The following SNAPC1 variants were observed in gnomAD, a reference collection of about 807,000 sequenced individuals.
The protein encoded by SNAPC1 is snRNA-activating protein complex subunit 1.
In SNAPC1, 42 loss-of-function variants were observed where a neutral mutation model predicts 50.1. That is an observed-to-expected ratio of 0.84 (90% CI 0.65 to 1.08). The LOEUF (loss-of-function observed/expected upper bound fraction) is 1.08. Ranked by LOEUF, SNAPC1 falls within the 50% of genes least tolerant of loss-of-function variation. The probability of loss-of-function intolerance (pLI) is 0.00; values close to 1 mark genes in which losing one functional copy is unlikely to be tolerated. For missense variants in SNAPC1, 477 were observed against 427.3 expected (o/e 1.12, Z -1.02); for synonymous variants, 164 against 144.2 (o/e 1.14, Z -0.98).
At chr14:61,783,329 C>T (rs993123698) in intron 8 of SNAPC1, among the ~76,000 whole-genome samples, 2 of 151,900 alleles carry the variant, frequency 1.3e-5, no homozygotes, top group African/African-American at 4.8e-5. Context: ...CCGCACGCGG[C>T]CTCCAGTGCA....
At chr14:61,775,025 T>G (rs977824582) in intron 4 of SNAPC1, among the ~76,000 whole-genome samples, 1 of 152,096 alleles carries the variant, frequency 6.6e-6, no homozygotes, top group African/African-American at 2.4e-5. Context: ...TTGAGTGGTC[T>G]GAGTTAGGGA....
At chr14:61,785,910 C>T (rs1270964911) in intron 8 of SNAPC1, among the ~76,000 whole-genome samples, 4 of 130,686 alleles carry the variant, frequency 3.1e-5, no homozygotes, top group Non-Finnish European at 6.4e-5. Context: ...TTGCCCTAAG[C>T]AGTTCCAGCT....
chr14:61,773,810 C>T (rs1192072903), intron 4 of SNAPC1, among the ~76,000 whole-genome samples: 2 of 151,568 alleles, frequency 1.3e-5, no homozygotes, highest in Admixed American at 1.3e-4. Context: ...CAGGTTCAAG[C>T]GATTCTCCTT....
chr14:61,775,349 G>A (rs1035860807), intron 4 of SNAPC1, among the ~76,000 whole-genome samples: 29 of 151,476 alleles, frequency 1.9e-4, no homozygotes, highest in African/African-American at 6.6e-4. Flanking sequence ...TCCGCCTCCC[G>A]GGTTCAAGCA....
intron 4 of SNAPC1, among the ~76,000 whole-genome samples, chr14:61,771,385 C>T (rs1028591225): frequency 1.3e-5 from 2 of 152,186 alleles, no homozygotes; most frequent in Non-Finnish European, 1.5e-5. Flanking sequence ...GCTGTGGTGC[C>T]TGTTTGTTGG....
chr14:61,791,385 C>CT (rs1236216409), intron 8 of SNAPC1, among the ~76,000 whole-genome samples: 1 of 151,942 alleles, frequency 6.6e-6, no homozygotes, highest in Non-Finnish European at 1.5e-5. Context: ...TATATGTTTC[C>CT]TTTTTTCTAC....
intron 8 of SNAPC1, among the ~76,000 whole-genome samples, chr14:61,792,326 A>G: frequency 6.6e-6 from 1 of 152,184 alleles, no homozygotes; most frequent in East Asian, 1.9e-4. Context: ...GTGTTTTTGA[A>G]AATGGAAAGT....
At chr14:61,783,528 G>GTTTTGTT (rs2045092837) in intron 8 of SNAPC1, among the ~76,000 whole-genome samples, 16 of 110,130 alleles carry the variant, frequency 1.5e-4, no homozygotes, top group African/African-American at 5.4e-4. Flanking sequence ...GTTTGGTTTG[G>GTTTTGTT]TTTTTTTTTT....
chr14:61,789,230 CAAAAAA>C lies in SNAPC1; in HGVS notation c.977-3566_977-3561del, dbSNP rs57065160. The stretch of plus-strand genomic sequence containing the variant: ...TGGGTGACAGAGCAAGACTCCATCT[CAAAAAA>C]AAAAAAAAAAGGCTAGGGAAAGCTC... On this transcript the variant is annotated intron_variant, in intron 8 of 9. Transcript: ENST00000216294. Among the ~76,000 whole-genome samples, 9 of 104,886 alleles carry C rather than the reference CAAAAAA, an allele frequency of 8.6e-5. No homozygotes were observed. In the South Asian group the frequency reaches 1.7e-3, roughly 19 times the overall value. The allele number at this position is 104,886 out of a possible 152,430, so 68.8% of individuals were successfully genotyped here.
chr14:61,783,528 G>GT (rs577941212), intron 8 of SNAPC1, among the ~76,000 whole-genome samples: 8,570 of 110,084 alleles, frequency 0.078, 554 homozygotes, highest in Non-Finnish European at 0.098. Context: ...GTTTGGTTTG[G>GT]TTTTTTTTTT....
chr14:61,773,825 C>T (rs930155670), intron 4 of SNAPC1, among the ~76,000 whole-genome samples: 19 of 151,482 alleles, frequency 1.3e-4, no homozygotes, highest in East Asian at 3.9e-4. Context: ...CTCCTTCCTC[C>T]GCCTCCCGAG....
At chr14:61,778,183 T>C (rs1158216733) in intron 6 of SNAPC1, 43 bp downstream of exon 6, 3 of 1,159,712 alleles carry the variant, frequency 2.6e-6, no homozygotes, top group Non-Finnish European at 3.8e-6. Context: ...GCTGTGATTC[T>C]GTATACTGAG....
intron 8 of SNAPC1, among the ~76,000 whole-genome samples, chr14:61,792,107 G>T (rs72716723): frequency 8.7e-6 from 1 of 114,360 alleles, no homozygotes; most frequent in African/African-American, 3.1e-5. Context: ...CATTAAAAAA[G>T]AAAAAAAAAA....
At chr14:61,778,013 T>A in intron 5 of SNAPC1, 59 bp from the exon 6 acceptor site, 1 of 767,402 alleles carries the variant, frequency 1.3e-6, no homozygotes, top group Non-Finnish European at 2.1e-6. Context: ...GATTTGCAGT[T>A]AATTGAATTG....
At chr14:61,781,015 T>C (rs944742803) in intron 7 of SNAPC1, among the ~76,000 whole-genome samples, 8 of 152,296 alleles carry the variant, frequency 5.3e-5, no homozygotes, top group African/African-American at 1.9e-4. Context: ...TGAAAGTATA[T>C]GGGAGGAAGT....
intron 8 of SNAPC1, among the ~76,000 whole-genome samples, chr14:61,787,361 A>G (rs2045121773): frequency 6.6e-6 from 1 of 151,690 alleles, no homozygotes; most frequent in Admixed American, 6.6e-5. Context: ...TAGTTTGATT[A>G]TATTTCAAAA....
At chr14:61,762,981 C>CTTTTTTTTTTTTTTTTTTTTTTT (rs145378546) in intron 1 of SNAPC1, among the ~76,000 whole-genome samples, 2 of 72,992 alleles carry the variant, frequency 2.7e-5, no homozygotes, top group Non-Finnish European at 4.7e-5. Flanking sequence ...CCAAAGTTGT[C>CTTTTTTTTTTTTTTTTTTTTTTT]TTTTTTTTTT....
At chr14:61,775,138 G>C (rs1407355773) in intron 4 of SNAPC1, among the ~76,000 whole-genome samples, 3 of 152,046 alleles carry the variant, frequency 2.0e-5, no homozygotes, top group Non-Finnish European at 4.4e-5. Context: ...TCCACTCTGT[G>C]GTATGCTGTC....
rs1225807642 is a variant in SNAPC1 at position 61,795,703 on chromosome 14, T to G, written c.*720T>G. 1.3e-5 allele frequency: 2 copies of G among 152,068 alleles called. No individual in the cohort carries two copies. Among genetic ancestry groups the G allele is most frequent in the African/African-American group, 4.8e-5 (2 of 41,416 alleles). 9.4% of individuals were successfully genotyped at this position (152,068 alleles called of 1,614,324 possible). A position where few individuals can be genotyped will look rare whatever the true frequency, so the allele number is the denominator to read the frequency against. On this transcript the variant is annotated 3_prime_UTR_variant, in exon 10 of 10. Transcript: ENST00000216294. The stretch of plus-strand genomic sequence containing the variant: ...AGAATGTGTCTCTGGTACAGAATAG[T>G]TGATATTAACAGAAAAAAAAAAATC...
Sources: gnomAD v4.1 joint callset for allele counts (sites outside exome capture counted in the v4.1 genomes callset) on GRCh38, gnomAD v4.1.1 for gene constraint, MANE v1.5 for transcripts, NCBI Gene and HGNC (gene_info 2026-07-23, HGNC 2026-07-21) for gene names.